ACBD6: variants seen among roughly 807,000 people sequenced by gnomAD.
The protein encoded by ACBD6 is acyl-CoA binding domain containing 6.
Under a neutral mutation model 37.2 loss-of-function variants are expected in ACBD6, and 28 were observed. The observed-to-expected ratio is 0.75, with a 90% CI of 0.56 to 1.03. ACBD6 has a LOEUF of 1.03. ACBD6 is among the 50% of genes least tolerant of loss of function. ACBD6 has a pLI of 0.00. For synonymous variants in ACBD6, 113 were observed against 126.8 expected (o/e 0.89, Z 0.73); for missense variants, 340 against 337.4 (o/e 1.01, Z -0.06).
At chr1:180,340,565 G>A (rs943675261) in intron 6 of ACBD6, among the ~76,000 whole-genome samples, 5 of 151,932 alleles carry the variant, frequency 3.3e-5, no homozygotes, top group African/African-American at 1.2e-4. Flanking sequence ...TGGGCAAGGG[G>A]CTAGAGGATA....
chr1:180,386,934 G>A (rs1245404509), intron 6 of ACBD6, among the ~76,000 whole-genome samples: 1 of 152,066 alleles, frequency 6.6e-6, no homozygotes, highest in Non-Finnish European at 1.5e-5. Flanking sequence ...TACCATTCGA[G>A]TTGTGATTTC....
intron 6 of ACBD6, among the ~76,000 whole-genome samples, chr1:180,361,629 A>G (rs921205276): frequency 1.3e-5 from 2 of 152,208 alleles, no homozygotes; most frequent in Non-Finnish European, 2.9e-5. Flanking sequence ...TTAGGCATTC[A>G]ATGGCCTTCC....
In ACBD6 at chr1:180,492,298, T is replaced by C. The variant is rs1651535245; in HGVS notation, c.355A>G (p.Lys119Glu). The change falls in exon 3 of 8, where the codon AAA (lysine) becomes GAA (glutamate). Residue 119 changes from lysine (K) to glutamate (E), a missense_variant. By Grantham distance (56) the Lys-to-Glu change is moderately conservative (BLOSUM62 1). Coordinates refer to ENST00000367595, the MANE Select transcript of ACBD6 (RefSeq NM_032360.4). ...QAMQEYIAVV[K>E]KLDPGWNPQI... The stretch of plus-strand genomic sequence containing the variant: ...GGATTCCAACCTGGATCTAGTTTTT[T>C]AACTACTGCGATATATTCCTGCATT... The C allele has an allele frequency of 6.2e-7, 1 of 1,614,130 alleles. No homozygotes were observed. The highest frequency in any genetic ancestry group is 8.5e-7 in the Non-Finnish European group (1 of 1,179,992).
chr1:180,361,159 CA>C (rs1652835367), intron 6 of ACBD6, among the ~76,000 whole-genome samples: 1 of 152,052 alleles, frequency 6.6e-6, no homozygotes, highest in Non-Finnish European at 1.5e-5. Context: ...CCCTGCTTTG[CA>C]AAGCCCAGTC....
At chr1:180,274,053 C>G (rs907646410) in exon 11 of ACBD6, 1 of 1,130,896 alleles carries the variant, frequency 8.8e-7, no homozygotes, top group Non-Finnish European at 1.3e-6. Context: ...GTGTGTCTGA[C>G]CCATGCTTGG....
rs1453150019 is a variant in ACBD6 at position 180,495,725 on chromosome 1, T to C, written c.223-200A>G. Among the ~76,000 whole-genome samples the C allele has an allele frequency of 2.6e-5, 4 of 152,196 alleles. No homozygotes were observed. The South Asian group carries it at 6.2e-4, about 24-fold the overall frequency. On this transcript the variant is annotated intron_variant, in intron 1 of 7. Transcript: ENST00000367595. The stretch of plus-strand genomic sequence containing the variant: ...ATCAAACATTACATACAGCCTACTT[T>C]GGCTTACTGCATAAAACAACTATTA...
intron 6 of ACBD6, among the ~76,000 whole-genome samples, chr1:180,353,899 A>G (rs549568873): frequency 6.6e-6 from 1 of 152,154 alleles, no homozygotes; most frequent in East Asian, 1.9e-4. Flanking sequence ...GAGTGTTTGA[A>G]AACATTTCCT....
rs1648761110 is a variant in ACBD6 at position 180,430,266 on chromosome 1, T to C, written c.385-4A>G. ...CTTTTCCTTTCTTCTCTGGTATCTG[T>C]GGGAAGGAGAAAAAAAAGTGAAAAA... is the stretch of plus-strand genomic sequence containing the variant. On this transcript the variant is annotated splice_region_variant and splice_polypyrimidine_tract_variant and intron_variant, in intron 3 of 7. Transcript: ENST00000367595. The C allele has an allele frequency of 6.2e-7, 1 of 1,611,850 alleles. No homozygotes were observed. Among genetic ancestry groups the C allele is most frequent in the Admixed American group, 1.7e-5 (1 of 59,952 alleles).
chr1:180,448,434 G>A (rs546214753), intron 3 of ACBD6, among the ~76,000 whole-genome samples: 23 of 152,082 alleles, frequency 1.5e-4, no homozygotes, highest in African/African-American at 5.5e-4. Context: ...CTTTTCTATT[G>A]TTTTCATGAA....
chr1:180,343,283 C>T (rs1228253727), intron 6 of ACBD6, among the ~76,000 whole-genome samples: 3 of 152,010 alleles, frequency 2.0e-5, no homozygotes, highest in African/African-American at 7.2e-5. Context: ...GTTTATTCCA[C>T]CTCCATATCC....
At chr1:180,270,613 G>A (rs1173170410) in exon 14 of ACBD6, 1 of 153,404 alleles carries the variant, frequency 6.5e-6, no homozygotes, top group Non-Finnish European at 1.5e-5. Context: ...TGATCAGTCA[G>A]TGTGTTGCCC....
intron 6 of ACBD6, among the ~76,000 whole-genome samples, chr1:180,379,638 A>C (rs1226926642): frequency 6.6e-6 from 1 of 152,166 alleles, no homozygotes; most frequent in Non-Finnish European, 1.5e-5. Context: ...TCAACAACAG[A>C]ATAGATCAAA....
chr1:180,472,983 C>A (rs1474867391), intron 3 of ACBD6, among the ~76,000 whole-genome samples: 1 of 151,770 alleles, frequency 6.6e-6, no homozygotes, highest in African/African-American at 2.4e-5. Context: ...TACTACTGAA[C>A]AAAAGCATAG....
chr1:180,499,012 G>A (rs1557896349), intron 1 of ACBD6, among the ~76,000 whole-genome samples: 1 of 151,964 alleles, frequency 6.6e-6, no homozygotes, highest in African/African-American at 2.4e-5. Context: ...TTGTTCATTC[G>A]ATTTTGTTAA....
chr1:180,344,355 A>G (rs954371375), intron 6 of ACBD6, among the ~76,000 whole-genome samples: 1 of 152,186 alleles, frequency 6.6e-6, no homozygotes, highest in Non-Finnish European at 1.5e-5. Flanking sequence ...TAGCAATTGC[A>G]AGAGAGAAAG....
chr1:180,500,694 CA>C (rs370791531), intron 1 of ACBD6, among the ~76,000 whole-genome samples: 16,035 of 94,900 alleles, frequency 0.17, 1,228 homozygotes, highest in African/African-American at 0.28. Context: ...AACTCCATCT[CA>C]AAAAAAAAAA....
chr1:180,315,867 GAAGT>G (rs2149291646), intron 6 of ACBD6, among the ~76,000 whole-genome samples: 1 of 152,244 alleles, frequency 6.6e-6, no homozygotes, highest in African/African-American at 2.4e-5. Flanking sequence ...AGATATGAAA[GAAGT>G]AATTTTAGCA....
chr1:180,501,307 A>G (rs529525001), intron 1 of ACBD6, among the ~76,000 whole-genome samples: 1 of 151,866 alleles, frequency 6.6e-6, no homozygotes, highest in East Asian at 1.9e-4. Flanking sequence ...AAATCACAAT[A>G]AAAGTTGTAA....
At chr1:180,490,222 G>C (rs1332370987) in intron 3 of ACBD6, among the ~76,000 whole-genome samples, 3 of 152,164 alleles carry the variant, frequency 2.0e-5, no homozygotes, top group African/African-American at 7.2e-5. Flanking sequence ...GTTCAGCTCA[G>C]GGGGCACCTG....
Sources: allele counts gnomAD v4.1 joint callset (sites outside exome capture counted in the v4.1 genomes callset), GRCh38; gene constraint gnomAD v4.1.1; transcripts MANE v1.5; gene names NCBI Gene and HGNC (gene_info 2026-07-23, HGNC 2026-07-21).